Variants in GRM4 observed in about 807,000 individuals in gnomAD.
GRM4 encodes glutamate metabotropic receptor 4.
Under a neutral mutation model 81.7 loss-of-function variants are expected in GRM4, and 28 were observed. The observed-to-expected ratio is 0.34, with a 90% CI of 0.25 to 0.47. GRM4 has a LOEUF of 0.47. Ranked by LOEUF, GRM4 falls within the 20% of genes least tolerant of loss-of-function variation. GRM4 has a pLI of 1.00. For synonymous variants in GRM4, 488 were observed against 528.8 expected, an observed-to-expected ratio of 0.92 and a Z score of 1.06; for missense variants, 948 against 1,290.0, an observed-to-expected ratio of 0.73 and a Z score of 4.06.
intron 3 of GRM4, among the ~76,000 whole-genome samples, chr6:34,087,805 C>CACACACAT (rs1248525855): frequency 6.9e-6 from 1 of 145,324 alleles, no homozygotes; most frequent in Non-Finnish European, 1.5e-5. Flanking sequence ...CCCCTACACA[C>CACACACAT]ACACACACAC....
intron 9 of GRM4, among the ~76,000 whole-genome samples, chr6:34,032,410 G>A (rs1581589170): frequency 6.6e-6 from 1 of 152,318 alleles, no homozygotes; most frequent in East Asian, 1.9e-4. Flanking sequence ...GCTTGCACTG[G>A]GGCATCTTGC....
chr6:34,136,117 A>G lies in GRM4; in HGVS notation c.-363-2258T>C, dbSNP rs1402485745. 6.6e-6 allele frequency among the ~76,000 whole-genome samples: 1 copy of G among 152,194 alleles called. No homozygotes were observed. The highest frequency in any genetic ancestry group is 2.4e-5 in the African/African-American group (1 of 41,448). On this transcript the variant is annotated intron_variant, in intron 1 of 10. Transcript: ENST00000538487. The surrounding 1 kb of genome is among the most constrained non-coding windows in gnomAD (Gnocchi z 4.1). ...AGACAACCACTGCCATGTGCCAAGC[A>G]CTGTTCTAAGTGCTTTACCTACATT...
intron 1 of GRM4, among the ~76,000 whole-genome samples, chr6:34,143,969 G>A (rs917777938): frequency 6.6e-6 from 1 of 152,260 alleles, no homozygotes; most frequent in Non-Finnish European, 1.5e-5. Flanking sequence ...CGCTCTGAGA[G>A]ACACGTGGCT....
intron 1 of GRM4, among the ~76,000 whole-genome samples, chr6:34,154,088 T>C (rs914815): frequency 0.41 from 62,537 of 152,122 alleles, 14,661 homozygotes; most frequent in South Asian, 0.53. Flanking sequence ...AAGGCTAGGC[T>C]CTTTCCACAG....
At chr6:34,137,750 ATTT>A (rs5875495) in intron 1 of GRM4, among the ~76,000 whole-genome samples, 11 of 103,704 alleles carry the variant, frequency 1.1e-4, no homozygotes, top group Admixed American at 2.2e-4. Flanking sequence ...TGCCCACATA[ATTT>A]TTTTTTTTTT....
intron 1 of GRM4, among the ~76,000 whole-genome samples, chr6:34,144,444 G>A (rs1414220986): frequency 6.6e-6 from 1 of 152,202 alleles, no homozygotes; most frequent in African/African-American, 2.4e-5. Flanking sequence ...TCACGGTCCC[G>A]GGGAGGGACG....
chr6:34,100,209 A>T, intron 2 of GRM4: 1 of 187,718 alleles, frequency 5.3e-6, no homozygotes, highest in Non-Finnish European at 1.0e-5. Context: ...CTGGCAGCTG[A>T]GAAAGCTGCA....
At chr6:34,023,036 C>T (rs537483814) in intron 10 of GRM4, among the ~76,000 whole-genome samples, 166 bp from the exon 11 acceptor site, 5 of 152,386 alleles carry the variant, frequency 3.3e-5, no homozygotes, top group African/African-American at 9.6e-5. Flanking sequence ...GCACCGGCCC[C>T]GCCTGGCCCA....
chr6:34,036,589 G>C lies in GRM4; in HGVS notation c.1521C>G (p.His507Gln), dbSNP rs757344602. The change falls in exon 9 of 11, where the codon CAC (histidine) becomes CAG (glutamine). Residue 507 changes from histidine to glutamine, a missense_variant. Transcript: ENST00000538487. This position sits in a 1 kb window ranked among gnomAD's most constrained non-coding sequence, Gnocchi z 9.0. Reference protein sequence around the residue: ...DHLHLRIERMHWPGSGQQLPR... With the variant: ...DHLHLRIERMQWPGSGQQLPR... ...GCAGCTGCTGCCCGCTCCCCGGCCAGTGCATCCGCTCTATCTGGCAATGAC... is the reference window on the plus strand; with the variant it reads ...GCAGCTGCTGCCCGCTCCCCGGCCACTGCATCCGCTCTATCTGGCAATGAC... 15 of 1,573,490 alleles carry C rather than the reference G, an allele frequency of 9.5e-6. No homozygotes were observed. Among genetic ancestry groups the C allele is most frequent in the African/African-American group, 2.7e-5 (2 of 74,340 alleles).
chr6:34,050,037 GC>G (rs1228396171), intron 6 of GRM4, among the ~76,000 whole-genome samples: 1 of 152,102 alleles, frequency 6.6e-6, no homozygotes, highest in African/African-American at 2.4e-5. Context: ...CTTACAAACT[GC>G]CCACAAGGCC....
chr6:34,044,425 C>T (rs1247209975), intron 6 of GRM4, among the ~76,000 whole-genome samples: 1 of 150,488 alleles, frequency 6.6e-6, no homozygotes, highest in Admixed American at 6.6e-5. Context: ...CACACACATA[C>T]ACACAGACAT....
rs372608829 is a variant in GRM4 at position 34,040,654 on chromosome 6, G to A, written c.1263C>T (p.His421=). ...DAVYAMGHAL[H]AMHRDLCPGR... ...CGGGACACAGGTCACGGTGCATGGC[G>A]TGCAGCGCGTGGCCCATGGCGTACA... The change falls in exon 7 of 11, where the codon CAC becomes CAT. Residue 421 remains histidine, a synonymous_variant. Coordinates refer to ENST00000538487, the MANE Select transcript of GRM4 (RefSeq NM_000841.4). The A allele has an allele frequency of 2.0e-5, 33 of 1,613,840 alleles. No individual in the cohort carries two copies. The highest frequency in any genetic ancestry group is 1.3e-4 in the African/African-American group (10 of 74,916).
At chr6:34,084,564 G>A (rs560500139) in intron 3 of GRM4, among the ~76,000 whole-genome samples, 29 of 152,304 alleles carry the variant, frequency 1.9e-4, no homozygotes, top group African/African-American at 6.7e-4. Context: ...TCAGGGCCCT[G>A]AGCAAGTTAG....
chr6:34,103,554 A>C, intron 2 of GRM4: 1 of 1,507,074 alleles, frequency 6.6e-7, no homozygotes, highest in South Asian at 1.2e-5. Context: ...TTCATAGGCG[A>C]AATGTAGATC....
At chr6:34,083,468 G>A (rs574282772) in intron 3 of GRM4, among the ~76,000 whole-genome samples, 2 of 152,330 alleles carry the variant, frequency 1.3e-5, no homozygotes, top group African/African-American at 4.8e-5. Flanking sequence ...CTGGCGCGTG[G>A]TGGGTCTCGT....
Position 34,056,618 on chromosome 6 carries a change from A to G in GRM4, c.1094T>C (p.Phe365Ser), listed in dbSNP as rs1358306132. 6.2e-7 allele frequency: 1 copy of G among 1,613,640 alleles called. No individual in the cohort carries two copies. The highest frequency in any genetic ancestry group is 8.5e-7 in the Non-Finnish European group (1 of 1,179,990). Residue 365 changes from phenylalanine to serine, a missense_variant, in exon 6 of 11, where the codon TTC becomes TCC. Phe to Ser is a radical substitution (Grantham distance 155, BLOSUM62 -2). Coordinates refer to ENST00000538487, the MANE Select transcript of GRM4 (RefSeq NM_000841.4). Reference protein sequence around the residue: ...NNRRNIWFAEFWEDNFHCKLS... With the variant: ...NNRRNIWFAESWEDNFHCKLS... The stretch of plus-strand genomic sequence containing the variant: ...CTTGCAGTGGAAGTTGTCCTCCCAG[A>G]ACTCGGCAAACCAGATGTTGCGCCG...
intron 2 of GRM4, among the ~76,000 whole-genome samples, chr6:34,109,359 G>C (rs1333830349): frequency 1.0e-5 from 1 of 100,000 alleles, no homozygotes; most frequent in African/African-American, 3.9e-5. Flanking sequence ...CCCTGCCCCA[G>C]AATCTTCATA....
At chr6:34,148,086 C>T (rs1397483323), upstream of GRM4, among the ~76,000 whole-genome samples, 1 of 137,796 alleles carries the variant, frequency 7.3e-6, no homozygotes, top group African/African-American at 2.7e-5. Context: ...GAAGGCTGGG[C>T]AGGCTATATT....
chr6:34,146,139 G>T (rs1561839380), upstream of GRM4: 3 of 985,404 alleles, frequency 3.0e-6, no homozygotes, highest in Admixed American at 6.1e-5. Context: ...TGCGTCACTG[G>T]AACCTCACAC....
Sources: allele counts gnomAD v4.1 joint callset (sites outside exome capture counted in the v4.1 genomes callset), GRCh38; gene constraint gnomAD v4.1.1; non-coding constraint Gnocchi (gnomAD v3.1); transcripts MANE v1.5; gene names NCBI Gene and HGNC (gene_info 2026-07-23, HGNC 2026-07-21).